The following IL1RAPL1 variants were observed in gnomAD, a reference collection of about 807,000 sequenced individuals.
IL1RAPL1 encodes the protein interleukin-1 receptor accessory protein-like 1.
Under a neutral mutation model 48.4 loss-of-function variants are expected in IL1RAPL1, and 3 were observed. The observed-to-expected ratio is 0.06, with a 90% CI of 0.03 to 0.16. The LOEUF is 0.16. IL1RAPL1 is among the 10% of genes least tolerant of loss of function. IL1RAPL1 has a pLI of 1.00. For missense variants in IL1RAPL1, 349 were observed against 530.6 expected, an observed-to-expected ratio of 0.66 and a Z score of 3.36; for synonymous variants, 185 against 187.7, an observed-to-expected ratio of 0.99 and a Z score of 0.12.
intron 3 of IL1RAPL1, among the ~76,000 whole-genome samples, chrX:29,287,984 G>A (rs1932310061): frequency 9.0e-6 from 1 of 111,421 alleles, no homozygotes; most frequent in Non-Finnish European, 1.9e-5. Flanking sequence ...CAAGTGCTAA[G>A]TCCTGAAGAT....
intron 2 of IL1RAPL1, among the ~76,000 whole-genome samples, chrX:29,017,349 C>T (rs1438988152): frequency 1.8e-5 from 2 of 111,855 alleles, no homozygotes; most frequent in East Asian, 2.8e-4. Flanking sequence ...TTATAGTAAG[C>T]GTTTATCTCT....
chrX:29,820,114 A>G (rs907029107), intron 6 of IL1RAPL1, among the ~76,000 whole-genome samples: 2 of 107,288 alleles, frequency 1.9e-5, no homozygotes, highest in Admixed American at 1.0e-4. Context: ...ATAAATTTAT[A>G]TATACTTATA....
chrX:28,910,774 A>T (rs768629790), intron 2 of IL1RAPL1, among the ~76,000 whole-genome samples: 68 of 101,325 alleles, frequency 6.7e-4, no homozygotes, highest in African/African-American at 2.3e-3. Context: ...TAGCTGCATT[A>T]AAAAAAAAAA....
At position 28,762,786 on chromosome X, in the gene IL1RAPL1, G is replaced by GCGCACACA. The variant is rs1366464632; in HGVS notation, c.-24-26533_-24-26532insGCACACAC. 2.2e-3 allele frequency among the ~76,000 whole-genome samples: 137 copies of GCGCACACA among 62,961 alleles called. 1 individual carries two copies. Among genetic ancestry groups the GCGCACACA allele is most frequent in the Admixed American group, 0.015 (77 of 5,124 alleles). 54.7% of individuals were successfully genotyped at this position (62,961 alleles called of 115,157 possible). On this transcript the variant is annotated intron_variant, in intron 1 of 10. Transcript: ENST00000378993. ...TATAAAATCTAATACGCACGCGCGC[G>GCGCACACA]CACACACACACACACACACACACAC...
At chrX:28,845,544 C>T (rs752416852) in intron 2 of IL1RAPL1, among the ~76,000 whole-genome samples, 1 of 111,137 alleles carries the variant, frequency 9.0e-6, no homozygotes, top group East Asian at 2.9e-4. Context: ...AAATAATATA[C>T]ATTTATGTTT....
intron 5 of IL1RAPL1, among the ~76,000 whole-genome samples, chrX:29,557,279 C>G (rs1403188983): frequency 1.8e-5 from 2 of 111,777 alleles, no homozygotes; most frequent in African/African-American, 6.5e-5. Flanking sequence ...CTGACATCCT[C>G]AAGATCTCAA....
chrX:29,146,059 C>T (rs1929343863), intron 2 of IL1RAPL1, among the ~76,000 whole-genome samples: 1 of 111,695 alleles, frequency 9.0e-6, no homozygotes, highest in Non-Finnish European at 1.9e-5. Context: ...TGCTCAAAAA[C>T]CTCCAAAGAC....
chrX:29,831,554 CGTT>C (rs1569181263), intron 6 of IL1RAPL1, among the ~76,000 whole-genome samples: 1 of 111,803 alleles, frequency 8.9e-6, no homozygotes, highest in Non-Finnish European at 1.9e-5. Flanking sequence ...TAAGGGTTTT[CGTT>C]GTTGTGCTAA....
In IL1RAPL1 at chrX:29,913,654, G is replaced by A. The variant is rs145919340; in HGVS notation, c.779-3810G>A. Among the ~76,000 whole-genome samples the A allele has an allele frequency of 7.7e-3, 850 of 110,864 alleles. 10 individuals are homozygous for A. The highest frequency in any genetic ancestry group is 0.027 in the African/African-American group (809 of 30,510). ...TGCTTATTCCTTATGTGATCCCAGA[G>A]TATTGTAACATTCTCAATCCTTGAT... On this transcript the variant is annotated intron_variant, in intron 6 of 10. Coordinates refer to ENST00000378993, the MANE Select transcript of IL1RAPL1 (RefSeq NM_014271.4).
intron 1 of IL1RAPL1, among the ~76,000 whole-genome samples, chrX:28,712,502 T>C (rs1397997162): frequency 2.7e-5 from 3 of 111,776 alleles, no homozygotes; most frequent in Non-Finnish European, 3.8e-5. Context: ...CAGCAAGTTG[T>C]CAGTACAATC....
chrX:29,513,092 C>T (rs1345996367), intron 5 of IL1RAPL1, among the ~76,000 whole-genome samples: 3 of 111,731 alleles, frequency 2.7e-5, no homozygotes, highest in African/African-American at 9.7e-5. Context: ...ACCAATATCA[C>T]TATCCAATTT....
chrX:29,102,012 C>T (rs1928349865), intron 2 of IL1RAPL1, among the ~76,000 whole-genome samples: 1 of 111,520 alleles, frequency 9.0e-6, no homozygotes, highest in Admixed American at 9.5e-5. Context: ...GATGGTTCAA[C>T]ATAGGCAAAT....
At chrX:29,433,759 T>G (rs1209829047) in intron 5 of IL1RAPL1, among the ~76,000 whole-genome samples, 1 of 111,342 alleles carries the variant, frequency 9.0e-6, no homozygotes. Context: ...ATTCATTGAG[T>G]TTTTAAGTAA....
intron 6 of IL1RAPL1, among the ~76,000 whole-genome samples, chrX:29,898,376 T>C (rs1285481074): frequency 9.0e-6 from 1 of 111,460 alleles, no homozygotes; most frequent in African/African-American, 3.2e-5. Flanking sequence ...TCCAAGATGG[T>C]GTTTGATTCA....
intron 6 of IL1RAPL1, among the ~76,000 whole-genome samples, chrX:29,808,762 C>T (rs935855732): frequency 1.4e-4 from 16 of 111,369 alleles, no homozygotes; most frequent in Non-Finnish European, 3.0e-4. Context: ...AATATATCTT[C>T]AGTACACCTT....
chrX:29,938,995 G>T (rs572657309), intron 8 of IL1RAPL1, among the ~76,000 whole-genome samples: 3 of 112,294 alleles, frequency 2.7e-5, no homozygotes, highest in African/African-American at 9.7e-5. Context: ...GGACATTTAA[G>T]TTGTCTCTAT....
In IL1RAPL1 at chrX:29,899,363, G is replaced by C. The variant is rs372077781; in HGVS notation, c.779-18101G>C. 6.5e-4 allele frequency among the ~76,000 whole-genome samples: 72 copies of C among 110,659 alleles called. No individual in the cohort carries two copies. The South Asian group carries it at 0.027, about 42-fold the overall frequency. ...CCTTTAGTTTCATGATCAGAATGGG[G>C]GATCAAAGTCAGAATACCAGGATTA... On this transcript the variant is annotated intron_variant, in intron 6 of 10. Transcript: ENST00000378993.
chrX:28,942,529 T>C (rs1569204454), intron 2 of IL1RAPL1: 1 of 108,291 alleles, frequency 9.2e-6, no homozygotes, highest in East Asian at 2.9e-4. Context: ...TTTTGACTTA[T>C]TTCACATGGA....
At chrX:28,701,400 G>A (rs770590551) in intron 1 of IL1RAPL1, among the ~76,000 whole-genome samples, 1 of 111,861 alleles carries the variant, frequency 8.9e-6, no homozygotes, top group South Asian at 3.7e-4. Context: ...TTATTGCATT[G>A]TTATGCCACA....
Sources: gnomAD v4.1 joint callset for allele counts (sites outside exome capture counted in the v4.1 genomes callset) on GRCh38, gnomAD v4.1.1 for gene constraint, MANE v1.5 for transcripts, NCBI Gene and HGNC (gene_info 2026-07-23, HGNC 2026-07-21) for gene names.